Variants in COL23A1 observed in about 807,000 individuals in gnomAD.
COL23A1 encodes the protein collagen alpha-1(XXIII) chain.
COL23A1 carries 97 observed loss-of-function variants against 99.3 expected under a neutral mutation model. The observed-to-expected ratio is 0.98, with a 90% CI of 0.83 to 1.16. The LOEUF is 1.16. Ranked by LOEUF, COL23A1 falls within the 50% of genes most tolerant of loss-of-function variation. COL23A1 has a pLI of 0.00. For synonymous variants in COL23A1, 320 were observed against 308.2 expected, an observed-to-expected ratio of 1.04 and a Z score of -0.40; for missense variants, 762 against 757.4, an observed-to-expected ratio of 1.01 and a Z score of -0.07.
intron 2 of COL23A1, among the ~76,000 whole-genome samples, chr5:178,321,329 C>T (rs1207718705): frequency 6.6e-6 from 1 of 152,182 alleles, no homozygotes; most frequent in Non-Finnish European, 1.5e-5. Context: ...CTAGCAACCA[C>T]ATCCTATTTT....
In COL23A1 at chr5:178,341,932, C is replaced by T. The variant is rs1369936264; in HGVS notation, c.362-35013G>A. On this transcript the variant is annotated intron_variant, in intron 2 of 28. Coordinates refer to ENST00000390654, the MANE Select transcript of COL23A1 (RefSeq NM_173465.4). ...CCTTCTCATGGAAAACTGCCACCCTCGCTCTCACCCGGCACTGGAGATTGC... is the reference window on the plus strand; with the variant it reads ...CCTTCTCATGGAAAACTGCCACCCTTGCTCTCACCCGGCACTGGAGATTGC... Among the ~76,000 whole-genome samples the T allele has an allele frequency of 2.6e-5, 4 of 152,298 alleles. No homozygotes were observed. In the South Asian group the frequency reaches 6.2e-4, roughly 24 times the overall value.
intron 3 of COL23A1, among the ~76,000 whole-genome samples, chr5:178,298,260 C>T (rs1205174985): frequency 6.6e-6 from 1 of 152,122 alleles, no homozygotes; most frequent in Admixed American, 6.5e-5. Context: ...AAACTGGGAA[C>T]CTTGCCCATT....
rs1766415897 is a variant in COL23A1, at chr5:178,434,084, C to T, written c.361+126598G>A. On this transcript the variant is annotated intron_variant, in intron 2 of 28. Coordinates refer to ENST00000390654, the MANE Select transcript of COL23A1 (RefSeq NM_173465.4). This position sits in a 1 kb window ranked among gnomAD's most constrained non-coding sequence, Gnocchi z 4.3. ...GAAAATAAATGTCCATTGTTGATGCCATCCCAACTGGTACTTTGTTATGGC... is the reference window on the plus strand; with the variant it reads ...GAAAATAAATGTCCATTGTTGATGCTATCCCAACTGGTACTTTGTTATGGC... Among the ~76,000 whole-genome samples, 1 of 152,224 alleles carries T rather than the reference C, an allele frequency of 6.6e-6. No individual in the cohort carries two copies. Among genetic ancestry groups the T allele is most frequent in the Admixed American group, 6.5e-5 (1 of 15,292 alleles).
At chr5:178,381,945 A>G (rs1038271251) in intron 2 of COL23A1, among the ~76,000 whole-genome samples, 1 of 152,046 alleles carries the variant, frequency 6.6e-6, no homozygotes, top group African/African-American at 2.4e-5. Context: ...ATTGCCTGGA[A>G]TTTTTGGATC....
intron 2 of COL23A1, among the ~76,000 whole-genome samples, chr5:178,460,497 G>A (rs1449576733): frequency 2.6e-5 from 4 of 152,076 alleles, no homozygotes; most frequent in Non-Finnish European, 5.9e-5. Context: ...AACATCATCT[G>A]GGCTCTCAGA....
In COL23A1 at chr5:178,585,218, G is replaced by A. The variant is rs527881555; in HGVS notation, c.294+4686C>T. Among the ~76,000 whole-genome samples the A allele has an allele frequency of 5.3e-5, 8 of 152,276 alleles. No homozygotes were observed. The East Asian group carries it at 1.5e-3, about 29-fold the overall frequency. ...TGAGAACTTAGGCGGGCCAGTGGATGACTGAACCCCCGCTCTGCCCCACCC... is the reference window on the plus strand; with the variant it reads ...TGAGAACTTAGGCGGGCCAGTGGATAACTGAACCCCCGCTCTGCCCCACCC... On this transcript the variant is annotated intron_variant, in intron 1 of 28. Coordinates refer to ENST00000390654, the MANE Select transcript of COL23A1 (RefSeq NM_173465.4).
intron 2 of COL23A1, among the ~76,000 whole-genome samples, chr5:178,528,778 CCA>C (rs1760472789): frequency 6.6e-6 from 1 of 152,242 alleles, no homozygotes; most frequent in Non-Finnish European, 1.5e-5. Flanking sequence ...CCATTGCACT[CCA>C]GCCTGGGCAA....
Position 178,589,381 on chromosome 5 carries a change from T to TCA in COL23A1, c.294+522_294+523insTG, listed in dbSNP as rs1394080286. ...TCAGTGCGACGGTGACCGCTCAGTC[T>TCA]TGGGGCCTGAGCTGCTGGAGACACA... On this transcript the variant is annotated intron_variant, in intron 1 of 28. Transcript: ENST00000390654. The surrounding 1 kb of genome is among the most constrained non-coding windows in gnomAD (Gnocchi z 5.4). Among the ~76,000 whole-genome samples, 3 of 151,842 alleles carry TCA rather than the reference T, an allele frequency of 2.0e-5. No individual in the cohort carries two copies. Among genetic ancestry groups the TCA allele is most frequent in the African/African-American group, 7.3e-5 (3 of 41,310 alleles).
At chr5:178,446,919 G>T (rs894082344) in intron 2 of COL23A1, among the ~76,000 whole-genome samples, 2 of 152,040 alleles carry the variant, frequency 1.3e-5, no homozygotes, top group Non-Finnish European at 2.9e-5. Context: ...AAAACCAAGA[G>T]AAAATGATTG....
intron 2 of COL23A1, among the ~76,000 whole-genome samples, chr5:178,454,643 C>G (rs955382672): frequency 6.6e-6 from 1 of 152,182 alleles, no homozygotes; most frequent in African/African-American, 2.4e-5. Flanking sequence ...CAGTGACTCC[C>G]GGGATTCCCT....
chr5:178,562,735 G>A (rs1411016344), intron 1 of COL23A1: 1 of 121,636 alleles, frequency 8.2e-6, no homozygotes, highest in Non-Finnish European at 1.7e-5. Flanking sequence ...CTGGCTGGTG[G>A]TGGGGGGGGT....
At chr5:178,491,491 A>G (rs920112037) in intron 2 of COL23A1, among the ~76,000 whole-genome samples, 2 of 152,092 alleles carry the variant, frequency 1.3e-5, no homozygotes, top group African/African-American at 4.8e-5. Context: ...CCTACAGACA[A>G]CGGCTAAACC....
intron 2 of COL23A1, among the ~76,000 whole-genome samples, chr5:178,441,071 T>C (rs1766839569): frequency 6.6e-6 from 1 of 152,256 alleles, no homozygotes; most frequent in Non-Finnish European, 1.5e-5. Flanking sequence ...TGTTTCTCTC[T>C]GTATCCTTGT....
At position 178,445,506 on chromosome 5, in the gene COL23A1, C is replaced by T. The variant is rs185138046; in HGVS notation, c.361+115176G>A. Among the ~76,000 whole-genome samples, 267 of 152,212 alleles carry T rather than the reference C, an allele frequency of 1.8e-3. 1 individual carries two copies. The highest frequency in any genetic ancestry group is 6.3e-3 in the African/African-American group (263 of 41,552). On this transcript the variant is annotated intron_variant, in intron 2 of 28. Transcript: ENST00000390654. Reference sequence around the variant, plus strand: ...TTATGTAGTCAAATTCCCAAAGCGTCCCATTACGATTCTGATGGAAATCGT... The same window carrying T: ...TTATGTAGTCAAATTCCCAAAGCGTTCCATTACGATTCTGATGGAAATCGT...
At position 178,288,188 on chromosome 5, in the gene COL23A1, C is replaced by T. The variant is rs1156375152; in HGVS notation, c.441+136G>A. 42 of 849,432 alleles carry T rather than the reference C, an allele frequency of 4.9e-5. No homozygotes were observed. The East Asian group carries it at 7.2e-4, about 15-fold the overall frequency. 52.6% of individuals were successfully genotyped at this position (849,432 alleles called of 1,614,324 possible). ...TTACCTCCCCAGAGCTCACGCTAAT[C>T]GCCTCCACAGAAAGACCACGGCTGC... is the stretch of plus-strand genomic sequence containing the variant. On this transcript the variant is annotated intron_variant, in intron 5 of 28. Coordinates refer to ENST00000390654, the MANE Select transcript of COL23A1 (RefSeq NM_173465.4).
At chr5:178,587,138 T>A (rs1764046303) in intron 1 of COL23A1, among the ~76,000 whole-genome samples, 1 of 152,176 alleles carries the variant, frequency 6.6e-6, no homozygotes, top group Non-Finnish European at 1.5e-5. Flanking sequence ...AGGTATAAGA[T>A]GGGGGGATTG....
intron 2 of COL23A1, among the ~76,000 whole-genome samples, chr5:178,381,440 G>A (rs1763376605): frequency 6.6e-6 from 1 of 152,132 alleles, no homozygotes; most frequent in South Asian, 2.1e-4. Context: ...CAGCTGCTTG[G>A]GACACCAGCA....
chr5:178,434,310 G>A lies in COL23A1; in HGVS notation c.361+126372C>T, dbSNP rs1238275369. On this transcript the variant is annotated intron_variant, in intron 2 of 28. Coordinates refer to ENST00000390654, the MANE Select transcript of COL23A1 (RefSeq NM_173465.4). This position sits in a 1 kb window ranked among gnomAD's most constrained non-coding sequence, Gnocchi z 4.3. Reference sequence around the variant, plus strand: ...GCCTTCTTGGGTACCTCCTCCTCACGTACTCACTGGCCCCGAGGCACTGTT... The same window carrying A: ...GCCTTCTTGGGTACCTCCTCCTCACATACTCACTGGCCCCGAGGCACTGTT... Among the ~76,000 whole-genome samples the A allele has an allele frequency of 6.6e-6, 1 of 152,130 alleles. No individual in the cohort carries two copies. The highest frequency in any genetic ancestry group is 1.5e-5 in the Non-Finnish European group (1 of 68,034).
At chr5:178,272,942 C>T (rs1581500507) in intron 5 of COL23A1, among the ~76,000 whole-genome samples, 1 of 152,234 alleles carries the variant, frequency 6.6e-6, no homozygotes, top group South Asian at 2.1e-4. Flanking sequence ...GTCATCATCC[C>T]CATCTTACGG....
Sources: allele counts gnomAD v4.1 joint callset (sites outside exome capture counted in the v4.1 genomes callset), GRCh38; gene constraint gnomAD v4.1.1; non-coding constraint Gnocchi (gnomAD v3.1); transcripts MANE v1.5; gene names NCBI Gene and HGNC (gene_info 2026-07-23, HGNC 2026-07-21).